ABCA10: variants seen among roughly 807,000 people sequenced by gnomAD.
ABCA10 encodes ATP binding cassette subfamily A member 10, also known as ATP-binding cassette sub-family A member 10.
ABCA10 carries 169 observed loss-of-function variants against 187.5 expected under a neutral mutation model. The observed-to-expected ratio is 0.90, with a 90% CI of 0.80 to 1.02. The LOEUF is 1.02. Ranked by LOEUF, ABCA10 falls within the 50% of genes least tolerant of loss-of-function variation. The pLI, the probability that ABCA10 is intolerant of heterozygous loss-of-function variation, is 0.00. For synonymous variants in ABCA10, 574 were observed against 601.8 expected (o/e 0.95, Z 0.68); for missense variants, 1,727 against 1,812.4 (o/e 0.95, Z 0.86).
chr17:69,181,272 C>G (rs1052428395), intron 22 of ABCA10, among the ~76,000 whole-genome samples: 1 of 152,146 alleles, frequency 6.6e-6, no homozygotes, highest in Admixed American at 6.5e-5. Flanking sequence ...TAAGATATCT[C>G]TGATATTCTT....
intron 30 of ABCA10, 94 bp from the exon 31 acceptor site, chr17:69,154,420 CTTTT>C (rs56142812): frequency 4.8e-3 from 2,201 of 459,952 alleles, no homozygotes; most frequent in Middle Eastern, 7.4e-3. Context: ...AACAAAATGA[CTTTT>C]TTTTTTTTTT....
chr17:69,168,597 T>G (rs2074272143), intron 25 of ABCA10, among the ~76,000 whole-genome samples: 1 of 152,190 alleles, frequency 6.6e-6, no homozygotes, highest in Admixed American at 6.6e-5. Context: ...ATAGTTACTG[T>G]AGTTACAGGA....
At chr17:69,188,116 T>C (rs971096296) in intron 18 of ABCA10, among the ~76,000 whole-genome samples, 6 of 152,210 alleles carry the variant, frequency 3.9e-5, no homozygotes, top group African/African-American at 1.4e-4. Context: ...AAGCATTTAT[T>C]CTTTCATACC....
intron 9 of ABCA10, among the ~76,000 whole-genome samples, chr17:69,207,563 T>C (rs1390358768): frequency 6.6e-6 from 1 of 152,138 alleles, no homozygotes; most frequent in Non-Finnish European, 1.5e-5. Flanking sequence ...TAGAATACTA[T>C]TTAGCTTGTA....
chr17:69,165,607 C>A (rs886762780), intron 25 of ABCA10, among the ~76,000 whole-genome samples: 2 of 152,134 alleles, frequency 1.3e-5, no homozygotes, highest in African/African-American at 4.8e-5. Flanking sequence ...CAGCCCATAT[C>A]CCCACTCAGA....
At position 69,193,881 on chromosome 17, in the gene ABCA10, G is replaced by C; in HGVS notation, c.1454C>G (p.Thr485Ser). The C allele has an allele frequency of 6.2e-7, 1 of 1,613,438 alleles. No homozygotes were observed. Among genetic ancestry groups the C allele is most frequent in the Non-Finnish European group, 8.5e-7 (1 of 1,179,680 alleles). ...PQFNFQFDFLTVRENLRVFAK... is the reference protein window; with the variant it reads ...PQFNFQFDFLSVRENLRVFAK... ...AAATACCCTGAGGTTTTCTCTCACA[G>C]TGAGGAAGTCAAATTGAAAATTGAA... Residue 485 changes from threonine (T) to serine (S), a missense_variant, in exon 13 of 39, where the codon ACT becomes AGT. By Grantham distance (58) the Thr-to-Ser change is moderately conservative. Coordinates refer to ENST00000690296, the MANE Select transcript of ABCA10 (RefSeq NM_001377321.1).
In ABCA10 at chr17:69,174,600, C is replaced by A; in HGVS notation, c.3048+7G>T. On this transcript the variant is annotated splice_region_variant and intron_variant, in intron 24 of 38. Transcript: ENST00000690296. ...ATAATTGGCTTGTGGAAAAAATGAT[C>A]ACTTACCAAAACAAACATGAGTTCC... 1 of 1,580,910 alleles carries A rather than the reference C, an allele frequency of 6.3e-7. No homozygotes were observed. Among genetic ancestry groups the A allele is most frequent in the South Asian group, 1.2e-5 (1 of 85,254 alleles).
At chr17:69,210,132 A>ATGTTTGGTT (rs2074627673) in intron 9 of ABCA10, among the ~76,000 whole-genome samples, 1 of 122,862 alleles carries the variant, frequency 8.1e-6, no homozygotes, top group Admixed American at 8.4e-5. Flanking sequence ...GGAACAGGTG[A>ATGTTTGGTT]TGTTTGGTTA....
At chr17:69,199,097 CCT>C (rs749381419) in intron 10 of ABCA10, among the ~76,000 whole-genome samples, 1 of 152,132 alleles carries the variant, frequency 6.6e-6, no homozygotes, top group Non-Finnish European at 1.5e-5. Flanking sequence ...TGCCATATCC[CCT>C]GTGTGGAAGG....
chr17:69,175,016 A>G (rs972804249), intron 23 of ABCA10, among the ~76,000 whole-genome samples: 2 of 152,166 alleles, frequency 1.3e-5, no homozygotes, highest in Admixed American at 1.3e-4. Flanking sequence ...GAAGATGACT[A>G]CACTATATAT....
At chr17:69,184,690 A>G (rs959314752) in intron 20 of ABCA10, among the ~76,000 whole-genome samples, 2 of 152,096 alleles carry the variant, frequency 1.3e-5, no homozygotes, top group African/African-American at 2.4e-5. Flanking sequence ...TGATCCAGCA[A>G]TTCCACTCCT....
chr17:69,181,160 T>C (rs534691957), intron 22 of ABCA10, among the ~76,000 whole-genome samples: 147 of 152,312 alleles, frequency 9.7e-4, no homozygotes, highest in Non-Finnish European at 1.9e-3. Context: ...TATACATACA[T>C]ACACACTCTT....
At chr17:69,162,515 C>T (rs2074224625) in intron 27 of ABCA10, among the ~76,000 whole-genome samples, 1 of 152,122 alleles carries the variant, frequency 6.6e-6, no homozygotes, top group Non-Finnish European at 1.5e-5. Flanking sequence ...TGGCAATGTT[C>T]CTGCTCATTT....
rs750629521 is a variant in ABCA10, at chr17:69,215,935, A to C, written c.738T>G (p.Phe246Leu). The change falls in exon 8 of 39, where the codon TTT becomes TTG. Residue 246 changes from phenylalanine (F) to leucine (L), a missense_variant. By Grantham distance (22) the Phe-to-Leu change is conservative. Coordinates refer to ENST00000690296, the MANE Select transcript of ABCA10 (RefSeq NM_001377321.1). The part of the protein sequence containing the change: ...RKPMLAGLAG[F>L]LFTVFWGCLG... ...GACATCCCCAAAATACAGTGAAGAGAAATCCAGCCAAACCAGCGAGCATAG... is the reference window on the plus strand; with the variant it reads ...GACATCCCCAAAATACAGTGAAGAGCAATCCAGCCAAACCAGCGAGCATAG... The C allele has an allele frequency of 3.1e-6, 5 of 1,613,982 alleles. No individual in the cohort carries two copies. Among genetic ancestry groups the C allele is most frequent in the Non-Finnish European group, 4.2e-6 (5 of 1,179,950 alleles).
chr17:69,215,513 G>A (rs1362778738), intron 8 of ABCA10: 4 of 212,126 alleles, frequency 1.9e-5, no homozygotes, highest in East Asian at 1.1e-4. Context: ...GGCTTCACTC[G>A]TTATTCATAA....
rs987602399 is a variant in ABCA10 at position 69,227,244 on chromosome 17, C to G, written c.-271G>C. 6.7e-6 allele frequency: 1 copy of G among 150,356 alleles called. No homozygotes were observed. Among genetic ancestry groups the G allele is most frequent in the Non-Finnish European group, 1.5e-5 (1 of 67,362 alleles). The allele number at this position is 150,356 out of a possible 1,614,324, so 9.3% of individuals were successfully genotyped here. A position where few individuals can be genotyped will look rare whatever the true frequency, so the allele number is the denominator to read the frequency against. ...CTTATCTCTTTTTTAACCATTTTGT[C>G]CTGTTCATTAACAGGGTAAAGTAAA... is the stretch of plus-strand genomic sequence containing the variant. On this transcript the variant is annotated 5_prime_UTR_variant, in exon 2 of 39. Coordinates refer to ENST00000690296, the MANE Select transcript of ABCA10 (RefSeq NM_001377321.1).
chr17:69,226,574 G>C (rs1213614035), intron 2 of ABCA10, among the ~76,000 whole-genome samples: 2 of 151,938 alleles, frequency 1.3e-5, no homozygotes, highest in African/African-American at 4.8e-5. Context: ...AAACTCAACA[G>C]AATGCAAAGG....
chr17:69,199,098 C>A (rs2074525549), intron 10 of ABCA10, among the ~76,000 whole-genome samples: 1 of 152,170 alleles, frequency 6.6e-6, no homozygotes, highest in Non-Finnish European at 1.5e-5. Context: ...GCCATATCCC[C>A]TGTGTGGAAG....
rs549629038 is a variant in ABCA10, at chr17:69,198,897, TTCAG to T, written c.1176-1779_1176-1776del. ...TACCTAATTTGCCTCCTTAAAATCA[TTCAG>T]TGATTCCCCACACTATACAGGATAG... is the stretch of plus-strand genomic sequence containing the variant. On this transcript the variant is annotated intron_variant, in intron 10 of 38. Transcript: ENST00000690296. 2.5e-3 allele frequency among the ~76,000 whole-genome samples: 375 copies of T among 152,334 alleles called. 3 individuals are homozygous for T. The highest frequency in any genetic ancestry group is 8.7e-3 in the African/African-American group (362 of 41,572).
Sources: gnomAD v4.1 joint callset for allele counts (sites outside exome capture counted in the v4.1 genomes callset) on GRCh38, gnomAD v4.1.1 for gene constraint, MANE v1.5 for transcripts, NCBI Gene and HGNC (gene_info 2026-07-23, HGNC 2026-07-21) for gene names.